PPP1R21: variants seen among roughly 807,000 people sequenced by gnomAD.
The protein encoded by PPP1R21 is protein phosphatase 1 regulatory subunit 21.
PPP1R21 carries 85 observed loss-of-function variants against 112.8 expected under a neutral mutation model. That is an observed-to-expected ratio of 0.75 (90% CI 0.63 to 0.90). PPP1R21 has a LOEUF of 0.90. Ranked by LOEUF, PPP1R21 falls within the 40% of genes least tolerant of loss-of-function variation. The pLI is 0.00. For missense variants in PPP1R21, 1,199 were observed against 901.5 expected, an observed-to-expected ratio of 1.33 and a Z score of -4.23; for synonymous variants, 381 against 322.3, an observed-to-expected ratio of 1.18 and a Z score of -1.95.
intron 14 of PPP1R21, among the ~76,000 whole-genome samples, chr2:48,487,242 A>G (rs1669342803): frequency 6.6e-6 from 1 of 152,138 alleles, no homozygotes; most frequent in South Asian, 2.1e-4. Context: ...CCACCACAAT[A>G]TACGTTCCAT....
At chr2:48,509,280 A>G (rs1342708878) in intron 19 of PPP1R21, among the ~76,000 whole-genome samples, 1 of 152,032 alleles carries the variant, frequency 6.6e-6, no homozygotes, top group Non-Finnish European at 1.5e-5. Context: ...GTCTCTAATG[A>G]AGGACTTAAA....
intron 11 of PPP1R21, among the ~76,000 whole-genome samples, chr2:48,473,907 G>A (rs1668630064): frequency 6.6e-6 from 1 of 152,060 alleles, no homozygotes; most frequent in South Asian, 2.1e-4. Flanking sequence ...TTAAATTTGA[G>A]CCTCTAGATT....
chr2:48,485,612 C>G (rs1050627790), intron 13 of PPP1R21, among the ~76,000 whole-genome samples: 3 of 151,174 alleles, frequency 2.0e-5, no homozygotes, highest in Non-Finnish European at 4.4e-5. Context: ...TTTTAAATTC[C>G]CTAGTTTTAA....
chr2:48,511,050 G>C (rs768353181), intron 20 of PPP1R21, among the ~76,000 whole-genome samples: 12 of 152,062 alleles, frequency 7.9e-5, no homozygotes, highest in Non-Finnish European at 1.8e-4. Flanking sequence ...TTAAAAAATT[G>C]ATGTAAATAG....
At chr2:48,474,240 G>C (rs749067913) in intron 11 of PPP1R21, among the ~76,000 whole-genome samples, 1 of 152,042 alleles carries the variant, frequency 6.6e-6, no homozygotes, top group Non-Finnish European at 1.5e-5. Context: ...AAAATTAGCC[G>C]GGCGTGGTGG....
chr2:48,503,648 T>A (rs1275284925), intron 17 of PPP1R21, among the ~76,000 whole-genome samples: 2 of 152,134 alleles, frequency 1.3e-5, no homozygotes, highest in African/African-American at 4.8e-5. Context: ...TAATCTGTGT[T>A]AAAGGCTTTC....
chr2:48,493,393 A>G (rs1345197107), intron 15 of PPP1R21, among the ~76,000 whole-genome samples: 1 of 152,024 alleles, frequency 6.6e-6, no homozygotes. Context: ...TGTGGGAAAT[A>G]TTTTTCCCTA....
intron 12 of PPP1R21, among the ~76,000 whole-genome samples, chr2:48,475,826 A>G (rs1668728645): frequency 6.6e-6 from 1 of 152,096 alleles, no homozygotes. Context: ...CAGCCTGGGC[A>G]GCAATAGCGA....
chr2:48,465,107 T>C, intron 8 of PPP1R21, 118 bp downstream of exon 8: 1 of 775,496 alleles, frequency 1.3e-6, no homozygotes. Context: ...ATTTAACTGT[T>C]GCTTTACGTG....
intron 18 of PPP1R21, 131 bp from the exon 19 acceptor site, chr2:48,507,138 T>A (rs1470706049): frequency 7.8e-7 from 1 of 1,289,744 alleles, no homozygotes; most frequent in Non-Finnish European, 1.0e-6. Context: ...TTCGAGGGGG[T>A]AGGAAAACAG....
chr2:48,479,327 T>C (rs963907245), intron 12 of PPP1R21, among the ~76,000 whole-genome samples: 13 of 152,250 alleles, frequency 8.5e-5, no homozygotes, highest in African/African-American at 3.1e-4. Flanking sequence ...CTCCCTGAGC[T>C]GTGGGAGGGA....
At chr2:48,456,117 C>T (rs1667715734) in intron 3 of PPP1R21, among the ~76,000 whole-genome samples, 1 of 151,582 alleles carries the variant, frequency 6.6e-6, no homozygotes, top group South Asian at 2.1e-4. Flanking sequence ...CTTACGAGGC[C>T]AGTTTGGTGT....
intron 15 of PPP1R21, among the ~76,000 whole-genome samples, chr2:48,491,878 A>G (rs2103943136): frequency 6.6e-6 from 1 of 152,260 alleles, no homozygotes; most frequent in South Asian, 2.1e-4. Context: ...AAAATATAAA[A>G]TATAAATTAC....
chr2:48,474,349 C>G (rs1668653633), intron 11 of PPP1R21, among the ~76,000 whole-genome samples: 2 of 152,144 alleles, frequency 1.3e-5, no homozygotes, highest in Admixed American at 1.3e-4. Flanking sequence ...CGCCACTGTA[C>G]TCGAATCTGG....
chr2:48,511,580 G>T, intron 21 of PPP1R21, 112 bp downstream of exon 21: 1 of 1,339,950 alleles, frequency 7.5e-7, no homozygotes, highest in South Asian at 1.4e-5. Flanking sequence ...TGTTTGTAAG[G>T]GCCAGGGGCA....
In PPP1R21 at chr2:48,471,320, C is replaced by T. The variant is rs752531574; in HGVS notation, c.1041C>T (p.Thr347=). The T allele has an allele frequency of 6.2e-7, 1 of 1,611,186 alleles. No homozygotes were observed. The highest frequency in any genetic ancestry group is 1.3e-5 in the African/African-American group (1 of 74,698). The change falls in exon 11 of 22, where the codon ACC becomes ACT. Residue 347 remains threonine, a synonymous_variant. Transcript: ENST00000294952. ...TGAAAACTTTTTCAGAACACTTAACCTCCTACATATGTTTTCTTAGGAAGA... is the reference window on the plus strand; with the variant it reads ...TGAAAACTTTTTCAGAACACTTAACTTCCTACATATGTTTTCTTAGGAAGA... The part of the protein sequence containing the change: ...VKLKTFSEHL[T]SYICFLRKIL...
chr2:48,490,091 C>T (rs1348563159), intron 14 of PPP1R21, among the ~76,000 whole-genome samples: 2 of 151,662 alleles, frequency 1.3e-5, no homozygotes, highest in Non-Finnish European at 2.9e-5. Flanking sequence ...TGGTGACGGG[C>T]ACCTGTAATC....
At chr2:48,494,483 A>ATT (rs1669724584) in intron 15 of PPP1R21, among the ~76,000 whole-genome samples, 1 of 136,302 alleles carries the variant, frequency 7.3e-6, no homozygotes, top group African/African-American at 2.8e-5. Flanking sequence ...CTGGAGTGCA[A>ATT]TGGCGCGATC....
At chr2:48,465,361 G>T in intron 8 of PPP1R21, 132 bp from the exon 9 acceptor site, 1 of 894,736 alleles carries the variant, frequency 1.1e-6, no homozygotes. Flanking sequence ...AAATTCAAGT[G>T]GGAGCAGATG....
Sources: allele counts gnomAD v4.1 joint callset (sites outside exome capture counted in the v4.1 genomes callset), GRCh38; gene constraint gnomAD v4.1.1; transcripts MANE v1.5; gene names NCBI Gene and HGNC (gene_info 2026-07-23, HGNC 2026-07-21).